Variants in EYS observed in about 807,000 individuals in gnomAD.
EYS encodes EGF-like photoreceptor maintenance factor.
EYS carries 250 observed loss-of-function variants against 282.1 expected under a neutral mutation model. The observed-to-expected ratio is 0.89, with a 90% CI of 0.80 to 0.98. The LOEUF is 0.98. Among genes scored for constraint, EYS ranks in the 50% least tolerant of loss-of-function variants. The probability of loss-of-function intolerance (pLI) is 0.00; values close to 1 mark genes in which losing one functional copy is unlikely to be tolerated. For missense variants in EYS, 4,016 were observed against 3,709.0 expected (o/e 1.08, Z -2.15); for synonymous variants, 1,355 against 1,282.9 (o/e 1.06, Z -1.20).
chr6:65,456,462 AT>A (rs1280967928), intron 5 of EYS, among the ~76,000 whole-genome samples: 3 of 149,574 alleles, frequency 2.0e-5, no homozygotes, highest in East Asian at 2.0e-4. Context: ...AAAAAAAAAA[AT>A]TTACTCTTAA....
intron 23 of EYS, among the ~76,000 whole-genome samples, chr6:64,622,317 A>G (rs76254960): frequency 6.6e-6 from 1 of 152,134 alleles, no homozygotes; most frequent in African/African-American, 2.4e-5. Flanking sequence ...GCCATCATAA[A>G]TGAATTGTAC....
intron 12 of EYS, among the ~76,000 whole-genome samples, chr6:65,178,216 C>G (rs1371664815): frequency 6.6e-6 from 1 of 151,896 alleles, no homozygotes; most frequent in African/African-American, 2.4e-5. Flanking sequence ...CCTCTAGCTC[C>G]TGCCTCTTTG....
chr6:65,496,661 C>T (rs903999527), intron 2 of EYS, among the ~76,000 whole-genome samples: 11 of 152,132 alleles, frequency 7.2e-5, no homozygotes, highest in Middle Eastern at 3.4e-3. Flanking sequence ...GGAATGACTA[C>T]GTAAACATAT....
At chr6:65,326,737 A>C (rs1190168391) in intron 11 of EYS, among the ~76,000 whole-genome samples, 1 of 151,528 alleles carries the variant, frequency 6.6e-6, no homozygotes, top group East Asian at 1.9e-4. Flanking sequence ...CATTCATTAT[A>C]ATTTTAAGAT....
rs555989031 is a variant in EYS, at chr6:64,450,544, A to T, written c.5645-11192T>A. On this transcript the variant is annotated intron_variant, in intron 26 of 42. Coordinates refer to ENST00000503581, the MANE Select transcript of EYS (RefSeq NM_001142800.2). ...TTACAGAACTCTCCACCCCAAATCAACAGAATATACATTCTTTCAGCACCA... is the reference window on the plus strand; with the variant it reads ...TTACAGAACTCTCCACCCCAAATCATCAGAATATACATTCTTTCAGCACCA... Among the ~76,000 whole-genome samples, 8 of 152,288 alleles carry T rather than the reference A, an allele frequency of 5.3e-5. No individual in the cohort carries two copies. The South Asian group carries it at 1.4e-3, about 28-fold the overall frequency.
At chr6:63,739,035 CCTT>C (rs1436558600) in intron 41 of EYS, among the ~76,000 whole-genome samples, 8 of 152,110 alleles carry the variant, frequency 5.3e-5, no homozygotes, top group Non-Finnish European at 1.2e-4. Context: ...TTCTCATCCT[CCTT>C]CATTTCCTCT....
At chr6:64,311,394 T>C (rs890209423) in intron 29 of EYS, among the ~76,000 whole-genome samples, 1 of 152,190 alleles carries the variant, frequency 6.6e-6, no homozygotes, top group Admixed American at 6.5e-5. Flanking sequence ...GTATCTTCAT[T>C]TAAAAAATTG....
chr6:63,827,942 A>G (rs138450547), intron 36 of EYS, among the ~76,000 whole-genome samples: 1 of 152,286 alleles, frequency 6.6e-6, no homozygotes, highest in Non-Finnish European at 1.5e-5. Flanking sequence ...AGGAACCTTC[A>G]AAGTCATGCA....
chr6:64,911,200 TCTTCATAATTA>T, intron 16 of EYS, among the ~76,000 whole-genome samples: 1 of 152,136 alleles, frequency 6.6e-6, no homozygotes, highest in South Asian at 2.1e-4. Flanking sequence ...TGAATTATGT[TCTTCATAATTA>T]CTAAATTTTT....
chr6:64,944,907 T>G (rs1031477576), intron 15 of EYS, among the ~76,000 whole-genome samples: 1 of 152,092 alleles, frequency 6.6e-6, no homozygotes, highest in Non-Finnish European at 1.5e-5. Context: ...GCATGTCCAG[T>G]CATAGTACCT....
At chr6:63,751,012 A>G (rs116597148) in intron 41 of EYS, among the ~76,000 whole-genome samples, 1,807 of 152,132 alleles carry the variant, frequency 0.012, 29 homozygotes, top group African/African-American at 0.042. Flanking sequence ...GGATGCACTA[A>G]TTTTGATTAT....
chr6:63,922,809 T>C (rs1368608757), intron 35 of EYS, among the ~76,000 whole-genome samples: 2 of 152,196 alleles, frequency 1.3e-5, no homozygotes, highest in Admixed American at 6.5e-5. Flanking sequence ...TAATCTAACA[T>C]GATTCATTTT....
chr6:64,850,956 C>T (rs1254735570), intron 19 of EYS, among the ~76,000 whole-genome samples: 1 of 152,014 alleles, frequency 6.6e-6, no homozygotes, highest in Non-Finnish European at 1.5e-5. Flanking sequence ...TCCTAGTTGG[C>T]ATATGTTGAT....
chr6:64,814,161 T>A lies in EYS; in HGVS notation c.3244-584A>T, dbSNP rs115204678. On this transcript the variant is annotated intron_variant, in intron 21 of 42. Transcript: ENST00000503581. ...TTCCCCATGCATTTGTCCAAATGTA[T>A]GTCCAGCATTTCTGACACCTGTAGC... Among the ~76,000 whole-genome samples the A allele has an allele frequency of 1.3e-3, 193 of 152,212 alleles. 1 individual carries two copies. The highest frequency in any genetic ancestry group is 4.5e-3 in the African/African-American group (186 of 41,576).
At position 65,004,260 on chromosome 6, in the gene EYS, G is replaced by A. The variant is rs888151514; in HGVS notation, c.2138-6557C>T. Among the ~76,000 whole-genome samples the A allele has an allele frequency of 6.1e-5, 9 of 147,486 alleles. 1 individual carries two copies. Among genetic ancestry groups the A allele is most frequent in the African/African-American group, 2.2e-4 (9 of 41,128 alleles). On this transcript the variant is annotated intron_variant, in intron 13 of 42. Coordinates refer to ENST00000503581, the MANE Select transcript of EYS (RefSeq NM_001142800.2). ...ATTTCATTAGATTTCCTCATTCGCT[G>A]CACTTGTGACTCACAAAAATATAAA...
rs367680699 is a variant in EYS, at chr6:65,473,076, G to A, written c.862+17518C>T. On this transcript the variant is annotated intron_variant, in intron 5 of 42. Transcript: ENST00000503581. ...TATATAGCAAATAATGAATCCAATGGTGCTAAATTCATGTGAATATATTAC... is the reference window on the plus strand; with the variant it reads ...TATATAGCAAATAATGAATCCAATGATGCTAAATTCATGTGAATATATTAC... 3.3e-4 allele frequency among the ~76,000 whole-genome samples: 50 copies of A among 151,918 alleles called. 1 individual carries two copies. The East Asian group carries it at 4.4e-3, about 14-fold the overall frequency.
intron 28 of EYS, among the ~76,000 whole-genome samples, chr6:64,430,635 A>G (rs1463660153): frequency 6.6e-6 from 1 of 152,122 alleles, no homozygotes; most frequent in Non-Finnish European, 1.5e-5. Flanking sequence ...CCTTATAGAA[A>G]TAATTCTCAT....
chr6:64,727,062 T>A (rs1308970977), intron 22 of EYS, among the ~76,000 whole-genome samples: 1 of 152,154 alleles, frequency 6.6e-6, no homozygotes, highest in African/African-American at 2.4e-5. Context: ...TGAAATTCTC[T>A]CCAGAGGAAT....
intron 2 of EYS, among the ~76,000 whole-genome samples, chr6:65,608,887 A>G (rs1472817138): frequency 1.3e-5 from 2 of 152,030 alleles, no homozygotes; most frequent in Non-Finnish European, 2.9e-5. Context: ...GTCCCACAGA[A>G]AGGTCTTCAG....
Sources: allele counts gnomAD v4.1 joint callset (sites outside exome capture counted in the v4.1 genomes callset), GRCh38; gene constraint gnomAD v4.1.1; transcripts MANE v1.5; gene names NCBI Gene and HGNC (gene_info 2026-07-23, HGNC 2026-07-21).